Variants in MBTD1 observed in about 807,000 individuals in gnomAD.
The protein encoded by MBTD1 is MBT domain-containing protein 1.
Under a neutral mutation model 87.8 loss-of-function variants are expected in MBTD1, and 24 were observed. The ratio of observed to expected loss-of-function variants is 0.27; its 90% CI spans 0.20 to 0.38. The LOEUF (loss-of-function observed/expected upper bound fraction) is 0.38, where lower values mean the gene tolerates loss of function less well. Among genes scored for constraint, MBTD1 ranks in the 10% least tolerant of loss-of-function variants. MBTD1 has a pLI of 1.00. For synonymous variants in MBTD1, 237 were observed against 248.6 expected (o/e 0.95, Z 0.44); for missense variants, 436 against 760.2 (o/e 0.57, Z 5.02).
intron 16 of MBTD1, among the ~76,000 whole-genome samples, chr17:51,190,336 T>C (rs539679632): frequency 6.6e-6 from 1 of 152,206 alleles, no homozygotes; most frequent in South Asian, 2.1e-4. Flanking sequence ...CCCAGGCTGG[T>C]CTAAAGCCAT....
chr17:51,257,440 T>C (rs1161080382), intron 2 of MBTD1, among the ~76,000 whole-genome samples: 1 of 152,246 alleles, frequency 6.6e-6, no homozygotes, highest in Non-Finnish European at 1.5e-5. Context: ...TTTTCACTTT[T>C]AAACTATAGC....
intron 5 of MBTD1, among the ~76,000 whole-genome samples, chr17:51,218,354 C>A (rs1465599600): frequency 6.6e-6 from 1 of 151,798 alleles, no homozygotes; most frequent in Non-Finnish European, 1.5e-5. Context: ...CATGGTGAAA[C>A]CCTATCTCTA....
At chr17:51,236,877 G>A (rs183126953) in intron 2 of MBTD1, among the ~76,000 whole-genome samples, 1 of 152,192 alleles carries the variant, frequency 6.6e-6, no homozygotes, top group Admixed American at 6.5e-5. Flanking sequence ...AAAATCAACT[G>A]AAAGTAGTTC....
intron 6 of MBTD1, among the ~76,000 whole-genome samples, chr17:51,211,313 G>A (rs1266830334): frequency 2.6e-5 from 4 of 151,742 alleles, no homozygotes; most frequent in Admixed American, 2.0e-4. Flanking sequence ...ACAACATGGC[G>A]AAACCCCGTC....
intron 8 of MBTD1, among the ~76,000 whole-genome samples, chr17:51,203,452 T>C (rs2051612835): frequency 6.6e-6 from 1 of 152,188 alleles, no homozygotes; most frequent in African/African-American, 2.4e-5. Flanking sequence ...TCTCGCTCTG[T>C]TGCCCAGGCT....
At chr17:51,240,017 C>G (rs1208872577) in intron 2 of MBTD1, among the ~76,000 whole-genome samples, 1 of 152,180 alleles carries the variant, frequency 6.6e-6, no homozygotes, top group East Asian at 1.9e-4. Flanking sequence ...GTGCCTTAGT[C>G]TTTAATCTAG....
chr17:51,207,196 T>G (rs1489297209), intron 6 of MBTD1, among the ~76,000 whole-genome samples, 191 bp from the exon 7 acceptor site: 1 of 152,214 alleles, frequency 6.6e-6, no homozygotes, highest in African/African-American at 2.4e-5. Flanking sequence ...AAAATTCACA[T>G]ATATTAGACT....
chr17:51,189,704 G>A (rs2050709056), intron 16 of MBTD1, among the ~76,000 whole-genome samples: 1 of 152,200 alleles, frequency 6.6e-6, no homozygotes. Context: ...AGAAAATTCT[G>A]AAATTCCAAA....
chr17:51,225,072 A>C lies in MBTD1; in HGVS notation c.90T>G (p.Ser30=). 6.4e-7 allele frequency: 1 copy of C among 1,551,828 alleles called. No individual in the cohort carries two copies. The change falls in exon 3 of 17, where the codon TCT becomes TCG. Residue 30 remains serine (S), a synonymous_variant. Coordinates refer to ENST00000586178, the MANE Select transcript of MBTD1 (RefSeq NM_017643.3). ...CATTGTTTTTGATAATCGGGAGATT[A>C]GAAGGTAAAGGAGCGACTTCTTCCT... ...ESEEEVAPLP[S]NLPIIKNNGQ...
chr17:51,193,122 A>G, intron 14 of MBTD1, 106 bp from the exon 15 acceptor site: 2 of 743,318 alleles, frequency 2.7e-6, no homozygotes, highest in Non-Finnish European at 4.5e-6. Flanking sequence ...AAATAACATA[A>G]TTATAAACCA....
At chr17:51,212,503 A>T (rs546133850) in intron 6 of MBTD1, among the ~76,000 whole-genome samples, 56 of 150,844 alleles carry the variant, frequency 3.7e-4, no homozygotes, top group African/African-American at 1.3e-3. Flanking sequence ...TGATTTCAAC[A>T]TTTCTGATCT....
intron 3 of MBTD1, among the ~76,000 whole-genome samples, chr17:51,224,372 C>A (rs2053091338): frequency 6.6e-6 from 1 of 152,144 alleles, no homozygotes; most frequent in African/African-American, 2.4e-5. Context: ...GTCATTAGAA[C>A]AAGGATTAGA....
chr17:51,213,771 G>A (rs539515909), intron 6 of MBTD1, among the ~76,000 whole-genome samples: 1 of 152,066 alleles, frequency 6.6e-6, no homozygotes, highest in Admixed American at 6.6e-5. Flanking sequence ...CCAACGATGG[G>A]GTGTTCAAAT....
chr17:51,251,755 G>C (rs1308622486), intron 2 of MBTD1: 1 of 152,188 alleles, frequency 6.6e-6, no homozygotes, highest in Non-Finnish European at 1.5e-5. Flanking sequence ...TCGTCCTATA[G>C]GAGTTTATTT....
chr17:51,242,362 A>G (rs1328302887), intron 2 of MBTD1, among the ~76,000 whole-genome samples: 1 of 152,208 alleles, frequency 6.6e-6, no homozygotes, highest in East Asian at 1.9e-4. Context: ...GCTCTTAACA[A>G]AACCTATCTA....
chr17:51,246,676 T>A (rs1353404928), intron 2 of MBTD1, among the ~76,000 whole-genome samples: 1 of 152,174 alleles, frequency 6.6e-6, no homozygotes, highest in African/African-American at 2.4e-5. Flanking sequence ...CACTCTGTCG[T>A]CCAGGCTGGA....
Position 51,192,224 on chromosome 17 carries a change from G to A in MBTD1, c.1747C>T (p.Gln583Ter). ...SKQKKKAKSQ[Q>*]YKGHKKMTTL... ...CCACTTTTCTTATGTCCTTTGTATT[G>A]CTGGGACTTAGCCTTTTTCTTCTGT... is the stretch of plus-strand genomic sequence containing the variant. The change falls in exon 16 of 17, where the codon CAA (glutamine) becomes TAA (stop). Residue 583 changes from glutamine (Q) to a stop codon, truncating the protein, a stop_gained. Coordinates refer to ENST00000586178, the MANE Select transcript of MBTD1 (RefSeq NM_017643.3). LOFTEE classifies it high-confidence loss of function. The A allele has an allele frequency of 6.4e-7, 1 of 1,551,232 alleles. No homozygotes were observed. The highest frequency in any genetic ancestry group is 8.7e-7 in the Non-Finnish European group (1 of 1,146,750).
chr17:51,243,982 A>G (rs986092910), intron 2 of MBTD1, among the ~76,000 whole-genome samples: 4 of 152,208 alleles, frequency 2.6e-5, no homozygotes, highest in Admixed American at 2.0e-4. Context: ...CAGAGTCACA[A>G]GATTCCTATC....
At chr17:51,233,444 C>G (rs1472911018) in intron 2 of MBTD1, among the ~76,000 whole-genome samples, 1 of 151,838 alleles carries the variant, frequency 6.6e-6, no homozygotes. Flanking sequence ...TATCAGAGAA[C>G]AAGATAGACC....
Sources: allele counts gnomAD v4.1 joint callset (sites outside exome capture counted in the v4.1 genomes callset), GRCh38; gene constraint gnomAD v4.1.1; transcripts MANE v1.5; gene names NCBI Gene and HGNC (gene_info 2026-07-23, HGNC 2026-07-21).